The following TSHZ2 variants were observed in gnomAD, a reference collection of about 807,000 sequenced individuals.
The protein encoded by TSHZ2 is teashirt homolog 2.
A neutral mutation model predicts 74.4 loss-of-function variants in TSHZ2; 21 were observed. That is an observed-to-expected ratio of 0.28 (90% CI 0.20 to 0.41). The LOEUF (loss-of-function observed/expected upper bound fraction) is 0.41. TSHZ2 is among the 10% of genes least tolerant of loss of function. TSHZ2 has a pLI of 1.00. For missense variants in TSHZ2, 1,244 were observed against 1,293.5 expected, an observed-to-expected ratio of 0.96 and a Z score of 0.59; for synonymous variants, 540 against 515.3, an observed-to-expected ratio of 1.05 and a Z score of -0.65.
intron 2 of TSHZ2, among the ~76,000 whole-genome samples, chr20:53,268,832 A>G (rs1226525861): frequency 1.3e-5 from 2 of 152,324 alleles, no homozygotes; most frequent in South Asian, 4.1e-4. Flanking sequence ...TATTATTTTT[A>G]TCACGACTGT....
At chr20:53,476,300 G>A (rs1434533384) in intron 2 of TSHZ2, among the ~76,000 whole-genome samples, 1 of 140,570 alleles carries the variant, frequency 7.1e-6, no homozygotes, top group Non-Finnish European at 1.5e-5. Flanking sequence ...ACATCAAAAA[G>A]CTTATCCACC....
chr20:53,302,427 G>C (rs1433260968), intron 2 of TSHZ2, among the ~76,000 whole-genome samples: 1 of 152,158 alleles, frequency 6.6e-6, no homozygotes, highest in African/African-American at 2.4e-5. Context: ...TTATTCTCTA[G>C]TGAATGCAAA....
chr20:53,183,422 G>T (rs538530044), intron 1 of TSHZ2, among the ~76,000 whole-genome samples: 1 of 152,138 alleles, frequency 6.6e-6, no homozygotes, highest in East Asian at 1.9e-4. Context: ...CTTTGCCTGC[G>T]GTATTTACAG....
rs900828866 is a variant in TSHZ2 at position 53,488,275 on chromosome 20, A to T, written c.*1140A>T. 6.6e-6 allele frequency: 1 copy of T among 152,150 alleles called. No homozygotes were observed. Among genetic ancestry groups the T allele is most frequent in the African/African-American group, 2.4e-5 (1 of 41,432 alleles). 9.4% of individuals were successfully genotyped at this position (152,150 alleles called of 1,614,324 possible). A position where few individuals can be genotyped will look rare whatever the true frequency, so the allele number is the denominator to read the frequency against. On this transcript the variant is annotated 3_prime_UTR_variant, in exon 3 of 3. Coordinates refer to ENST00000371497, the MANE Select transcript of TSHZ2 (RefSeq NM_173485.6). The stretch of plus-strand genomic sequence containing the variant: ...AATTTAACGTAAAAATTCCAATAGA[A>T]CTGTATTAGATTTTCTCCATTAAAT...
intron 1 of TSHZ2, among the ~76,000 whole-genome samples, chr20:53,203,098 C>T (rs1989047991): frequency 1.3e-5 from 2 of 152,132 alleles, no homozygotes; most frequent in South Asian, 4.1e-4. Flanking sequence ...GCTGCTCCCT[C>T]AGATGAATCT....
intron 1 of TSHZ2, among the ~76,000 whole-genome samples, chr20:53,127,428 G>A (rs769817594): frequency 2.8e-4 from 42 of 152,252 alleles, no homozygotes; most frequent in South Asian, 2.1e-4. Flanking sequence ...CTATGGCTGG[G>A]CATAGTGGCG....
At chr20:53,414,495 C>T (rs1983166865) in intron 2 of TSHZ2, among the ~76,000 whole-genome samples, 1 of 152,060 alleles carries the variant, frequency 6.6e-6, no homozygotes, top group African/African-American at 2.4e-5. Context: ...GTGGCACACA[C>T]ATGTAGTTCC....
chr20:53,102,809 T>C (rs559737884), intron 1 of TSHZ2, among the ~76,000 whole-genome samples: 3 of 152,286 alleles, frequency 2.0e-5, no homozygotes, highest in African/African-American at 7.2e-5. Context: ...GCATTGTTTT[T>C]CAAATTGTGG....
chr20:53,423,031 G>T lies in TSHZ2; in HGVS notation c.*9-64113G>T, dbSNP rs771349865. 6.1e-4 allele frequency among the ~76,000 whole-genome samples: 93 copies of T among 151,942 alleles called. 1 individual carries two copies. The highest frequency in any genetic ancestry group is 4.6e-3 in the Admixed American group (71 of 15,276). On this transcript the variant is annotated intron_variant, in intron 2 of 2. Transcript: ENST00000371497. ...GAGATCTACAAAGTTGCAGTAATTT[G>T]CCCAAAAAATCACAAAGAAAGGCGT...
At chr20:53,238,304 G>A (rs1461416470) in intron 1 of TSHZ2, among the ~76,000 whole-genome samples, 1 of 152,116 alleles carries the variant, frequency 6.6e-6, no homozygotes, top group Non-Finnish European at 1.5e-5. Context: ...TAAAAACAAG[G>A]AATTTGTTGG....
At chr20:53,259,271 CA>C in intron 2 of TSHZ2, among the ~76,000 whole-genome samples, 1 of 152,184 alleles carries the variant, frequency 6.6e-6, no homozygotes, top group East Asian at 1.9e-4. Flanking sequence ...TTTAACCTAT[CA>C]ATGTTTTTTG....
intron 1 of TSHZ2, among the ~76,000 whole-genome samples, chr20:53,015,653 A>G (rs895548376): frequency 4.6e-5 from 7 of 152,134 alleles, no homozygotes; most frequent in African/African-American, 1.7e-4. Flanking sequence ...TCTATGTTAA[A>G]ATATAGGAGG....
At chr20:53,203,008 T>C (rs762053986) in intron 1 of TSHZ2, among the ~76,000 whole-genome samples, 12 of 152,254 alleles carry the variant, frequency 7.9e-5, no homozygotes, top group Non-Finnish European at 1.3e-4. Flanking sequence ...GGACACAATA[T>C]GAGCTGTTTA....
chr20:53,158,802 TGCAC>T (rs1395270239), intron 1 of TSHZ2, among the ~76,000 whole-genome samples: 2 of 152,166 alleles, frequency 1.3e-5, no homozygotes, highest in Non-Finnish European at 2.9e-5. Flanking sequence ...CCACCATGGG[TGCAC>T]ACCCAGACTT....
chr20:53,037,646 T>C (rs371935559), intron 1 of TSHZ2, among the ~76,000 whole-genome samples: 8 of 152,352 alleles, frequency 5.3e-5, no homozygotes, highest in East Asian at 1.9e-4. Context: ...TTTGACCTGC[T>C]TAATGTCAAG....
intron 1 of TSHZ2, among the ~76,000 whole-genome samples, chr20:53,213,865 C>T (rs1156428809): frequency 6.6e-6 from 1 of 152,054 alleles, no homozygotes; most frequent in Non-Finnish European, 1.5e-5. Context: ...ACAATAAGTC[C>T]AGCCTGACTT....
chr20:53,341,402 C>T (rs1369770396), intron 2 of TSHZ2, among the ~76,000 whole-genome samples: 1 of 152,146 alleles, frequency 6.6e-6, no homozygotes, highest in East Asian at 1.9e-4. Context: ...AATTGTCAGT[C>T]CTAAAACTGG....
intron 2 of TSHZ2, among the ~76,000 whole-genome samples, chr20:53,265,531 C>T (rs1008422611): frequency 1.3e-5 from 2 of 152,302 alleles, no homozygotes; most frequent in African/African-American, 4.8e-5. Flanking sequence ...TCCGTGGGGG[C>T]TCAGCCCACC....
At chr20:53,043,056 T>C (rs1224000542) in intron 1 of TSHZ2, among the ~76,000 whole-genome samples, 1 of 152,228 alleles carries the variant, frequency 6.6e-6, no homozygotes, top group Non-Finnish European at 1.5e-5. Context: ...ATAAGAAATA[T>C]TTTAATTTTT....
Sources: allele counts gnomAD v4.1 joint callset (sites outside exome capture counted in the v4.1 genomes callset), GRCh38; gene constraint gnomAD v4.1.1; transcripts MANE v1.5; gene names NCBI Gene and HGNC (gene_info 2026-07-23, HGNC 2026-07-21).